Variants in STK31 observed in about 807,000 individuals in gnomAD.
STK31 encodes the protein serine/threonine-protein kinase 31.
STK31 carries 89 observed loss-of-function variants against 129.7 expected under a neutral mutation model. The observed-to-expected ratio is 0.69, with a 90% CI of 0.58 to 0.82. The LOEUF is 0.82. STK31 is among the 40% of genes least tolerant of loss of function. STK31 has a pLI of 0.00. For synonymous variants in STK31, 448 were observed against 395.3 expected (o/e 1.13, Z -1.58); for missense variants, 1,187 against 1,176.4 (o/e 1.01, Z -0.13).
intron 23 of STK31, 38 bp downstream of exon 23, chr7:23,815,250 A>C: frequency 7.4e-7 from 1 of 1,353,422 alleles, no homozygotes; most frequent in African/African-American, 1.5e-5. Flanking sequence ...TTTGAAACAC[A>C]TGCAGTAATA....
chr7:23,772,473 C>G (rs1287631921), intron 15 of STK31, among the ~76,000 whole-genome samples, 195 bp downstream of exon 15: 1 of 151,914 alleles, frequency 6.6e-6, no homozygotes, highest in East Asian at 1.9e-4. Flanking sequence ...AAAAATTTTC[C>G]TATATCATTA....
chr7:23,829,671 G>A (rs1003065783), intron 23 of STK31, among the ~76,000 whole-genome samples: 7 of 152,142 alleles, frequency 4.6e-5, no homozygotes, highest in African/African-American at 1.4e-4. Flanking sequence ...GAGAATTCTC[G>A]CCTCTTGAAC....
In STK31 at chr7:23,790,852, T is replaced by C. The variant is rs534944831; in HGVS notation, c.2666T>C (p.Val889Ala). The C allele has an allele frequency of 1.2e-5, 20 of 1,607,378 alleles. No homozygotes were observed. The Admixed American group carries it at 2.2e-4, about 18-fold the overall frequency. ...CAGCGAGCCTCGGTGAACATGATGGTTGGTGACTTGAGTTTGATGTCACCT... is the reference window on the plus strand; with the variant it reads ...CAGCGAGCCTCGGTGAACATGATGGCTGGTGACTTGAGTTTGATGTCACCT... The part of the protein sequence containing the change: ...VSQRASVNMM[V>A]GDLSLMSPEL... Residue 889 changes from valine (V) to alanine (A), a missense_variant, in exon 22 of 24, where the codon GTT (valine) becomes GCT (alanine). By Grantham distance (64) the Val-to-Ala change is moderately conservative (BLOSUM62 0). Around this residue, in one of 5 missense-constraint regions of STK31, gnomAD observed 975 missense variants for 934.9 expected, o/e 1.04. Coordinates refer to ENST00000355870, the MANE Select transcript of STK31 (RefSeq NM_031414.5).
chr7:23,819,160 T>A (rs1030088166), intron 23 of STK31, among the ~76,000 whole-genome samples: 1 of 152,218 alleles, frequency 6.6e-6, no homozygotes, highest in African/African-American at 2.4e-5. Flanking sequence ...GGAGCATGTG[T>A]TATTTTTTCT....
At chr7:23,771,472 A>C (rs1466239601) in intron 14 of STK31, 6 of 160,434 alleles carry the variant, frequency 3.7e-5, no homozygotes, top group Admixed American at 6.4e-5. Context: ...CTGGATGTGC[A>C]TCTGTATGTT....
rs148337141 is a variant in STK31, at chr7:23,772,252, T to C, written c.1939T>C (p.Leu647=). 2 of 1,606,492 alleles carry C rather than the reference T, an allele frequency of 1.2e-6. No individual in the cohort carries two copies. The highest frequency in any genetic ancestry group is 2.7e-5 in the African/African-American group (2 of 74,562). Residue 647 remains leucine, a synonymous_variant, in exon 15 of 24, where the codon TTG becomes CTG. Coordinates refer to ENST00000355870, the MANE Select transcript of STK31 (RefSeq NM_031414.5). ...CTTAAAAGCTCTACTCAGATGGAAA[T>C]TGGTTGAAAAGAGTAATTTGGAAGA... ...KSLKALLRWK[L]VEKSNLEESD...
intron 4 of STK31, among the ~76,000 whole-genome samples, chr7:23,719,409 T>C (rs2128064496): frequency 6.6e-6 from 1 of 152,110 alleles, no homozygotes; most frequent in Non-Finnish European, 1.5e-5. Context: ...TTTACACATC[T>C]AAACAGAAGC....
intron 4 of STK31, among the ~76,000 whole-genome samples, chr7:23,724,810 A>G (rs552375463): frequency 6.6e-6 from 1 of 152,236 alleles, no homozygotes; most frequent in East Asian, 1.9e-4. Context: ...AATTGAATAC[A>G]CTTATCCTTT....
At chr7:23,733,782 C>T (rs1230049793) in intron 6 of STK31, among the ~76,000 whole-genome samples, 1 of 151,764 alleles carries the variant, frequency 6.6e-6, no homozygotes, top group African/African-American at 2.4e-5. Context: ...GCACTCCCAC[C>T]TGGGCGACAA....
chr7:23,819,787 G>A (rs941354849), intron 23 of STK31, among the ~76,000 whole-genome samples: 1 of 152,134 alleles, frequency 6.6e-6, no homozygotes, highest in South Asian at 2.1e-4. Flanking sequence ...GTCAAATAAT[G>A]GAATAGCAAC....
At chr7:23,717,648 T>C in intron 4 of STK31, 69 bp downstream of exon 4, 1 of 1,202,276 alleles carries the variant, frequency 8.3e-7, no homozygotes, top group Non-Finnish European at 1.2e-6. Context: ...AGATATTTAG[T>C]TTTTGGAGTT....
intron 23 of STK31, among the ~76,000 whole-genome samples, chr7:23,830,835 G>C (rs908330132): frequency 6.6e-6 from 1 of 152,034 alleles, no homozygotes; most frequent in African/African-American, 2.4e-5. Context: ...AGCCAGGCTG[G>C]TCTCAAACTC....
At chr7:23,795,772 C>A (rs1195322159) in intron 22 of STK31, among the ~76,000 whole-genome samples, 1 of 152,214 alleles carries the variant, frequency 6.6e-6, no homozygotes, top group Non-Finnish European at 1.5e-5. Flanking sequence ...CATTTTGGAG[C>A]TTTAAGATTT....
At position 23,772,254 on chromosome 7, in the gene STK31, G is replaced by T; in HGVS notation, c.1941G>T (p.Leu647Phe). 6.2e-7 allele frequency: 1 copy of T among 1,605,064 alleles called. No individual in the cohort carries two copies. Among genetic ancestry groups the T allele is most frequent in the Non-Finnish European group, 8.5e-7 (1 of 1,176,940 alleles). Reference sequence around the variant, plus strand: ...TAAAAGCTCTACTCAGATGGAAATTGGTTGAAAAGAGTAATTTGGAAGAGG... The same window carrying T: ...TAAAAGCTCTACTCAGATGGAAATTTGTTGAAAAGAGTAATTTGGAAGAGG... ...KSLKALLRWK[L>F]VEKSNLEESD... The change falls in exon 15 of 24, where the codon TTG (leucine) becomes TTT (phenylalanine). Residue 647 changes from leucine to phenylalanine, a missense_variant. By Grantham distance (22) the Leu-to-Phe change is conservative (BLOSUM62 0). This residue lies in a region of STK31 where 975 missense variants were observed against 934.9 expected (regional missense o/e 1.04). Coordinates refer to ENST00000355870, the MANE Select transcript of STK31 (RefSeq NM_031414.5).
intron 8 of STK31, among the ~76,000 whole-genome samples, chr7:23,738,571 CTT>C (rs1225008845): frequency 6.8e-6 from 1 of 147,022 alleles, no homozygotes. Context: ...GTTTTCTTTT[CTT>C]TTTTTTTTTA....
intron 15 of STK31, among the ~76,000 whole-genome samples, chr7:23,776,502 T>G (rs1790554418): frequency 6.6e-6 from 1 of 152,188 alleles, no homozygotes; most frequent in Non-Finnish European, 1.5e-5. Flanking sequence ...CTGCCTCAAT[T>G]TCAGAACTTA....
chr7:23,713,875 T>C (rs1008966397), intron 3 of STK31, among the ~76,000 whole-genome samples: 5 of 152,042 alleles, frequency 3.3e-5, no homozygotes, highest in Admixed American at 3.3e-4. Context: ...AAAAAAAATA[T>C]ATATATACAC....
intron 5 of STK31, 55 bp downstream of exon 5, chr7:23,727,370 C>A: frequency 6.6e-7 from 1 of 1,523,630 alleles, no homozygotes. Flanking sequence ...TATTGTGGTT[C>A]AAAAATTTGA....
chr7:23,767,332 G>A (rs1584411029), intron 11 of STK31, among the ~76,000 whole-genome samples: 2 of 152,174 alleles, frequency 1.3e-5, no homozygotes, highest in African/African-American at 4.8e-5. Flanking sequence ...TTGCTGTTGT[G>A]TAGTTATATG....
Sources: gnomAD v4.1 joint callset for allele counts (sites outside exome capture counted in the v4.1 genomes callset) on GRCh38, gnomAD v4.1.1 for gene constraint, gnomAD v4.1.1 regional missense constraint, MANE v1.5 for transcripts, NCBI Gene and HGNC (gene_info 2026-07-23, HGNC 2026-07-21) for gene names.